The following GAPDH variants were observed in gnomAD, a reference collection of about 807,000 sequenced individuals.
The protein encoded by GAPDH is OCAS, p38 component.
GAPDH carries 13 observed loss-of-function variants against 31.2 expected under a neutral mutation model. The ratio of observed to expected loss-of-function variants is 0.42; its 90% confidence interval spans 0.27 to 0.66. The LOEUF (loss-of-function observed/expected upper bound fraction) is 0.66, where lower values mean the gene tolerates loss of function less well. Among genes scored for constraint, GAPDH ranks in the 30% least tolerant of loss-of-function variants. The probability of loss-of-function intolerance (pLI) is 0.26; values close to 1 mark genes in which losing one functional copy is unlikely to be tolerated. For synonymous variants in GAPDH, 211 were observed against 166.9 expected (o/e 1.26, Z -2.04); for missense variants, 300 against 443.7 (o/e 0.68, Z 2.91).
Position 6,536,600 on chromosome 12 carries a change from G to A in GAPDH, c.129+7G>A, listed in dbSNP as rs1592185638. 2.5e-6 allele frequency: 4 copies of A among 1,611,602 alleles called. No individual in the cohort carries two copies. The highest frequency in any genetic ancestry group is 3.4e-6 in the Non-Finnish European group (4 of 1,178,102). On this transcript the variant is annotated splice_region_variant and intron_variant, in intron 3 of 8. Coordinates refer to ENST00000229239, the MANE Select transcript of GAPDH (RefSeq NM_002046.7). ...CATTGACCTCAACTACATGGTGAGT[G>A]CTACATGGTGAGCCCCAAAGCTGGT... is the stretch of plus-strand genomic sequence containing the variant.
Position 6,536,908 on chromosome 12 carries a change from C to T in GAPDH, c.237-12C>T, listed in dbSNP as rs766482229. Reference sequence around the variant, plus strand: ...ATATGGTCCTGTCCCCATCTCCCCCCCACCCCCATAGGCGAGATCCCTCCA... The same window carrying T: ...ATATGGTCCTGTCCCCATCTCCCCCTCACCCCCATAGGCGAGATCCCTCCA... On this transcript the variant is annotated splice_polypyrimidine_tract_variant and intron_variant, in intron 4 of 8. Transcript: ENST00000229239. The T allele has an allele frequency of 2.5e-6, 4 of 1,609,086 alleles. No individual in the cohort carries two copies. Among genetic ancestry groups the T allele is most frequent in the African/African-American group, 1.3e-5 (1 of 74,762 alleles).
rs1109 is a variant in GAPDH, at chr12:6,538,110, C to T, written c.948C>T (p.Asn316=). 47 of 1,613,830 alleles carry T rather than the reference C, an allele frequency of 2.9e-5. No individual in the cohort carries two copies. The highest frequency in any genetic ancestry group is 3.3e-4 in the Middle Eastern group (2 of 6,030). The change falls in exon 9 of 9, where the codon AAC becomes AAT. Residue 316 remains asparagine (N), a synonymous_variant. Coordinates refer to ENST00000229239, the MANE Select transcript of GAPDH (RefSeq NM_002046.7). The part of the protein sequence containing the change: ...HFVKLISWYD[N]EFGYSNRVVD... The stretch of plus-strand genomic sequence containing the variant: ...TCTTTTCATCTTCTAGGTATGACAA[C>T]GAATTTGGCTACAGCAACAGGGTGG...
chr12:6,536,218 A>C (rs1946461234), intron 2 of GAPDH, among the ~76,000 whole-genome samples: 1 of 152,232 alleles, frequency 6.6e-6, no homozygotes, highest in Non-Finnish European at 1.5e-5. Context: ...GCTTGTGCCC[A>C]GACTGTGGGT....
In GAPDH at chr12:6,537,943, T is replaced by TCCACCTTC. The variant is rs776091029; in HGVS notation, c.885_886insCCACCTTC (p.Asp296ProfsTer76). On this transcript the variant is annotated frameshift_variant, in exon 8 of 9. Coordinates refer to ENST00000229239, the MANE Select transcript of GAPDH (RefSeq NM_002046.7). LOFTEE classifies it high-confidence loss of function. This position sits in a 1 kb window ranked among gnomAD's most constrained non-coding sequence, Gnocchi z 4.9. Reference sequence around the variant, plus strand: ...ACAGCGACACCCACTCCTCCACCTTTGACGCTGGGGCTGGCATTGCCCTCA... The same window carrying TCCACCTTC: ...ACAGCGACACCCACTCCTCCACCTTTCCACCTTCGACGCTGGGGCTGGCATTGCCCTCA... 6.2e-7 allele frequency: 1 copy of TCCACCTTC among 1,608,780 alleles called. No individual in the cohort carries two copies. Among genetic ancestry groups the TCCACCTTC allele is most frequent in the South Asian group, 1.1e-5 (1 of 88,890 alleles).
chr12:6,538,010 GC>G lies in GAPDH; in HGVS notation c.938+16del. 1.3e-6 allele frequency: 2 copies of G among 1,595,116 alleles called. No homozygotes were observed. Among genetic ancestry groups the G allele is most frequent in the Non-Finnish European group, 1.7e-6 (2 of 1,178,562 alleles). The stretch of plus-strand genomic sequence containing the variant: ...GCTCATTTCCTGGTATGTGGCTGGG[GC>G]CAGAGACTGGCTCTTAAAAAGTGCA... On this transcript the variant is annotated intron_variant, in intron 8 of 8. Coordinates refer to ENST00000229239, the MANE Select transcript of GAPDH (RefSeq NM_002046.7).
In GAPDH at chr12:6,536,732, G is replaced by A. The variant is rs11549351; in HGVS notation, c.178G>A (p.Val60Ile). Reference protein sequence around the residue: ...DSTHGKFHGTVKAENGKLVIN... With the variant: ...DSTHGKFHGTIKAENGKLVIN... ...CACCCATGGCAAATTCCATGGCACC[G>A]TCAAGGCTGAGAACGGGAAGCTTGT... The change falls in exon 4 of 9, where the codon GTC becomes ATC. Residue 60 changes from valine to isoleucine, a missense_variant. Val to Ile is a conservative substitution (Grantham distance 29). Coordinates refer to ENST00000229239, the MANE Select transcript of GAPDH (RefSeq NM_002046.7). The A allele has an allele frequency of 4.9e-4, 790 of 1,613,988 alleles. 11 individuals are homozygous for A. The highest frequency in any genetic ancestry group is 3.5e-3 in the South Asian group (322 of 91,070).
intron 2 of GAPDH, 65 bp from the exon 3 acceptor site, chr12:6,536,429 T>A: frequency 8.3e-7 from 1 of 1,198,776 alleles, no homozygotes; most frequent in Non-Finnish European, 1.2e-6. Context: ...GGAGGTGGCC[T>A]AGGGCTGCTC....
At chr12:6,535,098 A>AAC in intron 2 of GAPDH, 1 of 765,350 alleles carries the variant, frequency 1.3e-6, no homozygotes, top group South Asian at 2.2e-5. Context: ...AGTCCCCAGA[A>AAC]ACAGGAGGTC....
chr12:6,534,648 C>G, intron 1 of GAPDH, 79 bp downstream of exon 1: 1 of 680,586 alleles, frequency 1.5e-6, no homozygotes, highest in Non-Finnish European at 2.6e-6. Context: ...CGGATGTGTT[C>G]GCGCCGCTGC....
In GAPDH at chr12:6,537,742, C is replaced by T. The variant is rs1225414494; in HGVS notation, c.684C>T (p.Leu228=). The change falls in exon 8 of 9, where the codon CTC becomes CTT. Residue 228 remains leucine, a synonymous_variant. Transcript: ENST00000229239. The surrounding 1 kb of genome is among the most constrained non-coding windows in gnomAD (Gnocchi z 4.9). ...TCATCCCTGAGCTGAACGGGAAGCT[C>T]ACTGGCATGGCCTTCCGTGTCCCCA... ...GKVIPELNGK[L]TGMAFRVPTA... 3.1e-6 allele frequency: 5 copies of T among 1,611,738 alleles called. No homozygotes were observed. Among genetic ancestry groups the T allele is most frequent in the South Asian group, 1.1e-5 (1 of 90,998 alleles).
chr12:6,536,426 G>A (rs1166533487), intron 2 of GAPDH, 68 bp from the exon 3 acceptor site: 3 of 1,133,406 alleles, frequency 2.6e-6, no homozygotes, highest in Non-Finnish European at 4.0e-6. Context: ...TGGGGAGGTG[G>A]CCTAGGGCTG....
In GAPDH at chr12:6,537,295, C is replaced by A; in HGVS notation, c.444-14C>A. 6.2e-7 allele frequency: 1 copy of A among 1,601,200 alleles called. No homozygotes were observed. Among genetic ancestry groups the A allele is most frequent in the Non-Finnish European group, 8.5e-7 (1 of 1,179,224 alleles). On this transcript the variant is annotated splice_polypyrimidine_tract_variant and intron_variant, in intron 6 of 8. Coordinates refer to ENST00000229239, the MANE Select transcript of GAPDH (RefSeq NM_002046.7). The surrounding 1 kb of genome is among the most constrained non-coding windows in gnomAD (Gnocchi z 4.9). The stretch of plus-strand genomic sequence containing the variant: ...GCTCCCCTGACTTGCGCCCCGCTCC[C>A]TCTTTCTTTGCAGCAATGCCTCCTG...
intron 1 of GAPDH, 118 bp from the exon 2 acceptor site, chr12:6,534,692 G>T: frequency 1.1e-6 from 1 of 889,242 alleles, no homozygotes; most frequent in African/African-American, 1.7e-5. Flanking sequence ...CATTGCAGGG[G>T]CGGGCGGAGG....
rs755829002 is a variant in GAPDH at position 6,536,921 on chromosome 12, C to T, written c.238C>T (p.Arg80Ter). 5 of 1,612,980 alleles carry T rather than the reference C, an allele frequency of 3.1e-6. No homozygotes were observed. The highest frequency in any genetic ancestry group is 2.5e-6 in the Non-Finnish European group (3 of 1,179,258). Residue 80 changes from arginine (R) to a stop codon, truncating the protein, a stop_gained and splice_region_variant, in exon 5 of 9, where the codon CGA (arginine) becomes TGA (stop). Transcript: ENST00000229239. LOFTEE classifies it high-confidence loss of function. Reference protein sequence around the residue: ...NGNPITIFQERDPSKIKWGDA... With the variant: ...NGNPITIFQE ...CCCATCTCCCCCCCACCCCCATAGGCGAGATCCCTCCAAAATCAAGTGGGG... is the reference window on the plus strand; with the variant it reads ...CCCATCTCCCCCCCACCCCCATAGGTGAGATCCCTCCAAAATCAAGTGGGG...
At chr12:6,534,711 CG>C in intron 1 of GAPDH, 98 bp from the exon 2 acceptor site, 1 of 1,048,580 alleles carries the variant, frequency 9.5e-7, no homozygotes, top group Non-Finnish European at 1.4e-6. Flanking sequence ...GGACGTGATG[CG>C]GCGCGGGCTG....
In GAPDH at chr12:6,537,677, A is replaced by G; in HGVS notation, c.619A>G (p.Ile207Val). 6.2e-7 allele frequency: 1 copy of G among 1,611,416 alleles called. No individual in the cohort carries two copies. Among genetic ancestry groups the G allele is most frequent in the Non-Finnish European group, 8.5e-7 (1 of 1,179,842 alleles). ...RDGRGALQNI[I>V]PASTGAAKAV... ...TGGCCGCGGGGCTCTCCAGAACATC[A>G]TCCCTGCCTCTACTGGCGCTGCCAA... is the stretch of plus-strand genomic sequence containing the variant. Residue 207 changes from isoleucine to valine, a missense_variant, in exon 8 of 9, where the codon ATC (isoleucine) becomes GTC (valine). Physicochemically the swap from Ile to Val is conservative, Grantham distance 29. Coordinates refer to ENST00000229239, the MANE Select transcript of GAPDH (RefSeq NM_002046.7). This position sits in a 1 kb window ranked among gnomAD's most constrained non-coding sequence, Gnocchi z 4.9.
rs199534377 is a variant in GAPDH at position 6,538,045 on chromosome 12, C to T, written c.938+49C>T. On this transcript the variant is annotated intron_variant, in intron 8 of 8. Transcript: ENST00000229239. ...GGCTCTTAAAAAGTGCAGGGTCTGG[C>T]GCCCTCTGGTGGCTGGCTCAGAAAA... is the stretch of plus-strand genomic sequence containing the variant. 4.6e-5 allele frequency: 73 copies of T among 1,597,282 alleles called. No individual in the cohort carries two copies. The African/African-American group carries it at 6.7e-4, about 15-fold the overall frequency.
At position 6,534,852 on chromosome 12, in the gene GAPDH, G is replaced by C. The variant is rs749762041; in HGVS notation, c.20G>C (p.Gly7Ala). 1.9e-6 allele frequency: 3 copies of C among 1,613,518 alleles called. No individual in the cohort carries two copies. Among genetic ancestry groups the C allele is most frequent in the East Asian group, 2.2e-5 (1 of 44,856 alleles). The change falls in exon 2 of 9, where the codon GGA (glycine) becomes GCA (alanine). Residue 7 changes from glycine to alanine, a missense_variant. Coordinates refer to ENST00000229239, the MANE Select transcript of GAPDH (RefSeq NM_002046.7). The stretch of plus-strand genomic sequence containing the variant: ...GACACCATGGGGAAGGTGAAGGTCG[G>C]AGTCAACGGGTGAGTTCGCGGGTGG... MGKVKV[G>A]VNGFGRIGRL...
rs372768955 is a variant in GAPDH, at chr12:6,537,667, C to A, written c.609C>A (p.Leu203=). 230 of 1,611,464 alleles carry A rather than the reference C, an allele frequency of 1.4e-4. 1 individual carries two copies. The South Asian group carries it at 2.2e-3, about 16-fold the overall frequency. ...GKLWRDGRGA[L]QNIIPASTGA... is the part of the protein sequence containing the mutation. ...TGTGGCGTGATGGCCGCGGGGCTCT[C>A]CAGAACATCATCCCTGCCTCTACTG... The change falls in exon 8 of 9, where the codon CTC becomes CTA. Residue 203 remains leucine, a synonymous_variant. Transcript: ENST00000229239. This position sits in a 1 kb window ranked among gnomAD's most constrained non-coding sequence, Gnocchi z 4.9.
Sources: allele counts gnomAD v4.1 joint callset (sites outside exome capture counted in the v4.1 genomes callset), GRCh38; gene constraint gnomAD v4.1.1; non-coding constraint Gnocchi (gnomAD v3.1); transcripts MANE v1.5; gene names NCBI Gene and HGNC (gene_info 2026-07-23, HGNC 2026-07-21).